Variants in PLEKHG4B observed in about 807,000 individuals in gnomAD.
PLEKHG4B encodes pleckstrin homology and RhoGEF domain containing G4B, also known as pleckstrin homology domain-containing family G member 4B.
A neutral mutation model predicts 121.3 loss-of-function variants in PLEKHG4B; 111 were observed. The ratio of observed to expected loss-of-function variants is 0.92; its 90% CI spans 0.78 to 1.07. The LOEUF (loss-of-function observed/expected upper bound fraction) is 1.07, where lower values mean the gene tolerates loss of function less well. Ranked by LOEUF, PLEKHG4B falls within the 50% of genes least tolerant of loss-of-function variation. The pLI, the probability that PLEKHG4B is intolerant of heterozygous loss-of-function variation, is 0.00. For synonymous variants in PLEKHG4B, 738 were observed against 725.0 expected, an observed-to-expected ratio of 1.02 and a Z score of -0.29; for missense variants, 1,831 against 1,757.8, an observed-to-expected ratio of 1.04 and a Z score of -0.74.
intron 18 of PLEKHG4B, among the ~76,000 whole-genome samples, chr5:177,648 A>T (rs538818838): frequency 1.3e-5 from 2 of 152,350 alleles, no homozygotes; most frequent in South Asian, 2.1e-4. Context: ...AAGTTTATTT[A>T]AAAAGGCTTT....
intron 1 of PLEKHG4B, among the ~76,000 whole-genome samples, chr5:102,408 G>A (rs987696252): frequency 1.9e-4 from 29 of 152,026 alleles, no homozygotes; most frequent in Non-Finnish European, 3.2e-4. Context: ...TGTTTCCAAA[G>A]TTGACCTACT....
In PLEKHG4B at chr5:144,871, G is replaced by A. The variant is rs1314769359; in HGVS notation, c.1856G>A (p.Arg619His). The A allele has an allele frequency of 4.3e-6, 7 of 1,613,266 alleles. No homozygotes were observed. The East Asian group carries it at 8.9e-5, about 21-fold the overall frequency. The change falls in exon 6 of 20, where the codon CGC (arginine) becomes CAC (histidine). Residue 619 changes from arginine to histidine, a missense_variant. Coordinates refer to ENST00000637938, the MANE Select transcript of PLEKHG4B (RefSeq NM_052909.5). ...DLGLVVLVDARRSPAAPAVSQ... is the reference protein window; with the variant it reads ...DLGLVVLVDAHRSPAAPAVSQ... Reference sequence around the variant, plus strand: ...GGGCTGGTTGTCCTGGTGGATGCACGCAGGAGTCCAGCTGCCCCTGCCGTC... The same window carrying A: ...GGGCTGGTTGTCCTGGTGGATGCACACAGGAGTCCAGCTGCCCCTGCCGTC...
intron 1 of PLEKHG4B, among the ~76,000 whole-genome samples, chr5:100,936 GGA>G (rs1232474312): frequency 2.0e-5 from 2 of 102,058 alleles, no homozygotes; most frequent in Non-Finnish European, 3.7e-5. Flanking sequence ...AGTCTGTAGG[GGA>G]GAGACTGTTG....
Position 143,411 on chromosome 5 carries a change from G to A in PLEKHG4B, c.1719G>A (p.Val573=), listed in dbSNP as rs1735298197. The part of the protein sequence containing the change: ...GTRDRHGRAV[V]QVRTRSLLWT... ...GAGACCGTCATGGCAGAGCAGTGGT[G>A]CAGGTCCGCACCAGGAGCCTGCTCT... Residue 573 remains valine, a synonymous_variant, in exon 5 of 20, where the codon GTG becomes GTA. Transcript: ENST00000637938. The A allele has an allele frequency of 6.2e-7, 1 of 1,612,844 alleles. No homozygotes were observed. Among genetic ancestry groups the A allele is most frequent in the East Asian group, 2.2e-5 (1 of 44,884 alleles).
At chr5:96,171 C>T (rs2126326090) in intron 1 of PLEKHG4B, among the ~76,000 whole-genome samples, 1 of 152,290 alleles carries the variant, frequency 6.6e-6, no homozygotes, top group African/African-American at 2.4e-5. Flanking sequence ...TTTGGTTTTC[C>T]CAGTGAGAGG....
chr5:173,802 C>T lies in PLEKHG4B; in HGVS notation c.4222-116C>T, dbSNP rs530415595. 5.6e-6 allele frequency: 7 copies of T among 1,241,290 alleles called. No individual in the cohort carries two copies. The Admixed American group carries it at 1.5e-4, about 27-fold the overall frequency. The allele number at this position is 1,241,290 out of a possible 1,614,324, so 76.9% of individuals were successfully genotyped here. On this transcript the variant is annotated intron_variant, in intron 17 of 19. Coordinates refer to ENST00000637938, the MANE Select transcript of PLEKHG4B (RefSeq NM_052909.5). ...GTCTCGCTCACCCTGACCCATCCCACACATTTGTCATTTGGTGTCTGGGTG... is the reference window on the plus strand; with the variant it reads ...GTCTCGCTCACCCTGACCCATCCCATACATTTGTCATTTGGTGTCTGGGTG...
At chr5:150,363 A>C (rs1466557783) in intron 6 of PLEKHG4B, among the ~76,000 whole-genome samples, 1 of 152,190 alleles carries the variant, frequency 6.6e-6, no homozygotes, top group Non-Finnish European at 1.5e-5. Flanking sequence ...GGGGTAATGG[A>C]GAGTTTTTCT....
At chr5:107,297 A>G (rs752399978) in intron 1 of PLEKHG4B, among the ~76,000 whole-genome samples, 11 of 152,162 alleles carry the variant, frequency 7.2e-5, no homozygotes, top group Non-Finnish European at 1.2e-4. Context: ...CAGAGACCCC[A>G]TGCTTGGCCC....
In PLEKHG4B at chr5:154,408, C is replaced by T. The variant is rs117703122; in HGVS notation, c.1993-467C>T. On this transcript the variant is annotated intron_variant, in intron 7 of 19. Transcript: ENST00000637938. ...GCCACTCCCACACGCGGGCAGCGGC[C>T]CTGAGGACGGAGCCACTGTGGGAAC... Among the ~76,000 whole-genome samples, 27 of 152,262 alleles carry T rather than the reference C, an allele frequency of 1.8e-4. No homozygotes were observed. In the East Asian group the frequency reaches 4.2e-3, roughly 24 times the overall value.
chr5:117,912 A>G (rs958528345), intron 2 of PLEKHG4B, among the ~76,000 whole-genome samples: 8 of 152,210 alleles, frequency 5.3e-5, no homozygotes, highest in Non-Finnish European at 1.2e-4. Flanking sequence ...GGATATTTCC[A>G]TAAAAGAGAG....
intron 1 of PLEKHG4B, among the ~76,000 whole-genome samples, 196 bp downstream of exon 1, chr5:92,472 C>T (rs1439547907): frequency 2.1e-4 from 12 of 57,970 alleles, no homozygotes; most frequent in Non-Finnish European, 4.0e-4. Flanking sequence ...GGGGTAGGGG[C>T]GGGTGGGGGC....
At chr5:160,768 C>T (rs1392456791) in intron 11 of PLEKHG4B, among the ~76,000 whole-genome samples, 1 of 151,974 alleles carries the variant, frequency 6.6e-6, no homozygotes, top group Non-Finnish European at 1.5e-5. Context: ...ATCTTGAAAC[C>T]AATGACAGCC....
At chr5:145,151 G>A (rs1039581074) in intron 6 of PLEKHG4B, among the ~76,000 whole-genome samples, 6 of 152,186 alleles carry the variant, frequency 3.9e-5, no homozygotes, top group Admixed American at 1.3e-4. Flanking sequence ...TGGCCCATCC[G>A]CTGGGGACTT....
In PLEKHG4B at chr5:182,009, C is replaced by A. The variant is rs1338278719; in HGVS notation, c.4570C>A (p.Gln1524Lys). ...TGCTTTCTGTCCCTTTCCAGAGTCA[C>A]AAATGAGAGGGTCCACAGCGGTGTC... ...PDSIVKGTES[Q>K]MRGSTAVSSS... Residue 1524 changes from glutamine to lysine, a missense_variant, in exon 20 of 20, where the codon CAA becomes AAA. By Grantham distance (53) the Gln-to-Lys change is moderately conservative. Transcript: ENST00000637938. 1 of 1,613,506 alleles carries A rather than the reference C, an allele frequency of 6.2e-7. No homozygotes were observed. Among genetic ancestry groups the A allele is most frequent in the South Asian group, 1.1e-5 (1 of 91,068 alleles).
intron 1 of PLEKHG4B, among the ~76,000 whole-genome samples, chr5:102,574 C>T (rs12187062): frequency 0.1 from 15,420 of 152,232 alleles, 962 homozygotes; most frequent in East Asian, 0.17. Flanking sequence ...CCCGTGCTTC[C>T]GCCTGTAAGA....
Position 156,673 on chromosome 5 carries a change from G to C in PLEKHG4B, c.2349-100G>C, listed in dbSNP as rs1735791973. On this transcript the variant is annotated intron_variant, in intron 10 of 19. Coordinates refer to ENST00000637938, the MANE Select transcript of PLEKHG4B (RefSeq NM_052909.5). This position sits in a 1 kb window ranked among gnomAD's most constrained non-coding sequence, Gnocchi z 4.4. ...TGGGGCTCCCGTTGCCTTGTGGCAT[G>C]AGGGAATGGAAAGAGCAGGGTTTTT... is the stretch of plus-strand genomic sequence containing the variant. 7.0e-6 allele frequency: 10 copies of C among 1,427,436 alleles called. 1 individual carries two copies. The East Asian group carries it at 2.5e-4, about 36-fold the overall frequency. 88.4% of individuals were successfully genotyped at this position (1,427,436 alleles called of 1,614,324 possible).
In PLEKHG4B at chr5:137,792, G is replaced by A. The variant is rs1735026738; in HGVS notation, c.244-1691G>A. On this transcript the variant is annotated intron_variant, in intron 2 of 19. Coordinates refer to ENST00000637938, the MANE Select transcript of PLEKHG4B (RefSeq NM_052909.5). This position sits in a 1 kb window ranked among gnomAD's most constrained non-coding sequence, Gnocchi z 4.2. ...CCAATATGGCTGTGCTGGGCAATAG[G>A]ATCGGGGACGGACTCTGGGGGCCAG... 6.6e-6 allele frequency among the ~76,000 whole-genome samples: 1 copy of A among 152,228 alleles called. No homozygotes were observed. Among genetic ancestry groups the A allele is most frequent in the Non-Finnish European group, 1.5e-5 (1 of 68,044 alleles).
chr5:171,167 C>T (rs756815959), intron 15 of PLEKHG4B, 35 bp downstream of exon 15: 53 of 1,606,278 alleles, frequency 3.3e-5, no homozygotes, highest in East Asian at 1.3e-4. Flanking sequence ...ACAGCCTGCC[C>T]GGCCCTCAGC....
rs763089946 is a variant in PLEKHG4B, at chr5:155,444, G to A, written c.2208+1G>A. 8.7e-6 allele frequency: 14 copies of A among 1,612,282 alleles called. No homozygotes were observed. The highest frequency in any genetic ancestry group is 5.5e-5 in the South Asian group (5 of 91,054). On this transcript the variant is annotated splice_donor_variant, in intron 9 of 19. Coordinates refer to ENST00000637938, the MANE Select transcript of PLEKHG4B (RefSeq NM_052909.5). LOFTEE classifies it high-confidence loss of function. The stretch of plus-strand genomic sequence containing the variant: ...CCACAGAACCCCAAGAACAGCCCAG[G>A]TGAGTCCTCAGACTTGCAGGTAAGT...
Sources: allele counts gnomAD v4.1 joint callset (sites outside exome capture counted in the v4.1 genomes callset), GRCh38; gene constraint gnomAD v4.1.1; non-coding constraint Gnocchi (gnomAD v3.1); transcripts MANE v1.5; gene names NCBI Gene and HGNC (gene_info 2026-07-23, HGNC 2026-07-21).